Variants in INTU observed in about 807,000 individuals in gnomAD.
INTU encodes protein inturned.
INTU carries 68 observed loss-of-function variants against 100.5 expected under a neutral mutation model. That is an observed-to-expected ratio of 0.68 (90% CI 0.56 to 0.83). The LOEUF is 0.83. INTU is among the 40% of genes least tolerant of loss of function. The pLI is 0.00. For synonymous variants in INTU, 357 were observed against 395.7 expected (o/e 0.90, Z 1.16); for missense variants, 1,071 against 1,114.7 (o/e 0.96, Z 0.56).
intron 8 of INTU, among the ~76,000 whole-genome samples, chr4:127,694,889 AAT>A (rs2148720156): frequency 6.6e-6 from 1 of 152,318 alleles, no homozygotes; most frequent in African/African-American, 2.4e-5. Context: ...CCAATAATAC[AAT>A]GTCTTGATTA....
chr4:127,655,821 C>G (rs1728178214), intron 2 of INTU, among the ~76,000 whole-genome samples: 1 of 152,240 alleles, frequency 6.6e-6, no homozygotes, highest in East Asian at 1.9e-4. Context: ...CCTCCCCCAG[C>G]CTCGCTGCCG....
rs1491129913 is a variant in INTU, at chr4:127,707,417, A to AG, written c.2271+449dup. On this transcript the variant is annotated intron_variant, in intron 12 of 15. Transcript: ENST00000335251. ...CAAAAAAAAAAAAAAAAAAAAAAAA[A>AG]GAAATATCAAATAATAAGATAAGAA... Among the ~76,000 whole-genome samples, 13 of 150,328 alleles carry AG rather than the reference A, an allele frequency of 8.6e-5. No individual in the cohort carries two copies. In the East Asian group the frequency reaches 2.5e-3, roughly 29 times the overall value.
chr4:127,677,959 A>G (rs1255434521), intron 6 of INTU, among the ~76,000 whole-genome samples: 1 of 152,228 alleles, frequency 6.6e-6, no homozygotes, highest in East Asian at 1.9e-4. Flanking sequence ...AGAATGCAGA[A>G]GCTTCAGGAG....
At chr4:127,688,243 G>A (rs1729923247) in intron 8 of INTU, among the ~76,000 whole-genome samples, 2 of 151,466 alleles carry the variant, frequency 1.3e-5, no homozygotes, top group Non-Finnish European at 2.9e-5. Context: ...TTGACTAACA[G>A]TATTCTCAGT....
intron 8 of INTU, among the ~76,000 whole-genome samples, chr4:127,697,713 A>G (rs892681942): frequency 2.6e-5 from 4 of 152,156 alleles, no homozygotes; most frequent in African/African-American, 2.4e-5. Context: ...TCATCTGTTG[A>G]TGAACACTTA....
rs1296304431 is a variant in INTU, at chr4:127,723,067, T to C, written c.*6631T>C. The C allele has an allele frequency of 6.6e-6, 1 of 152,096 alleles. No individual in the cohort carries two copies. The highest frequency in any genetic ancestry group is 1.5e-5 in the Non-Finnish European group (1 of 68,034). 9.4% of individuals were successfully genotyped at this position (152,096 alleles called of 1,614,324 possible). On this transcript the variant is annotated 3_prime_UTR_variant, in exon 16 of 16. Transcript: ENST00000335251. Reference sequence around the variant, plus strand: ...GACCCAAAGCTCTGGTAGCATTGGCTCAGGAGGGAACCTCCTGATCTACAA... The same window carrying C: ...GACCCAAAGCTCTGGTAGCATTGGCCCAGGAGGGAACCTCCTGATCTACAA...
Position 127,714,079 on chromosome 4 carries a change from T to C in INTU, c.2703T>C (p.Ala901=), listed in dbSNP as rs1731181876. 6.2e-7 allele frequency: 1 copy of C among 1,612,408 alleles called. No homozygotes were observed. The highest frequency in any genetic ancestry group is 1.7e-5 in the Admixed American group (1 of 59,500). Reference sequence around the variant, plus strand: ...AGAAAAAAGCACCACCAGTTATGGCTTACTGGGTAGTAGGGTAAGTGAGAA... The same window carrying C: ...AGAAAAAAGCACCACCAGTTATGGCCTACTGGGTAGTAGGGTAAGTGAGAA... The part of the protein sequence containing the change: ...TDQKKAPPVM[A]YWVVGRLFLH... Residue 901 remains alanine (A), a synonymous_variant, in exon 15 of 16, where the codon GCT becomes GCC. Transcript: ENST00000335251.
chr4:127,656,727 G>T lies in INTU; in HGVS notation c.768+6G>T, dbSNP rs1728246125. The T allele has an allele frequency of 6.5e-7, 1 of 1,546,262 alleles. No individual in the cohort carries two copies. The highest frequency in any genetic ancestry group is 8.9e-7 in the Non-Finnish European group (1 of 1,126,176). Reference sequence around the variant, plus strand: ...GCATTCCTGGACCTATGCAGGTATGGACATTCTTTTTCTATATTTTATGAT... The same window carrying T: ...GCATTCCTGGACCTATGCAGGTATGTACATTCTTTTTCTATATTTTATGAT... On this transcript the variant is annotated splice_donor_region_variant and intron_variant, in intron 3 of 15. Coordinates refer to ENST00000335251, the MANE Select transcript of INTU (RefSeq NM_015693.4).
At chr4:127,685,451 G>A (rs182320390) in intron 7 of INTU, 1 of 455,680 alleles carries the variant, frequency 2.2e-6, no homozygotes, top group Non-Finnish European at 4.4e-6. Context: ...GTATCATGAA[G>A]GAATTTTCTG....
In INTU at chr4:127,648,370, G is replaced by A. The variant is rs375710870; in HGVS notation, c.682+4314G>A. Among the ~76,000 whole-genome samples the A allele has an allele frequency of 6.6e-5, 10 of 152,160 alleles. No individual in the cohort carries two copies. In the East Asian group the frequency reaches 1.7e-3, roughly 26 times the overall value. ...GATATAATATTTATTTCATAGAATG[G>A]GAAAATTTTCTACTAAACATTTAAA... On this transcript the variant is annotated intron_variant, in intron 2 of 15. Coordinates refer to ENST00000335251, the MANE Select transcript of INTU (RefSeq NM_015693.4).
intron 1 of INTU, among the ~76,000 whole-genome samples, chr4:127,633,534 T>G (rs1726936905): frequency 6.6e-6 from 1 of 152,180 alleles, no homozygotes; most frequent in Non-Finnish European, 1.5e-5. Context: ...GATTCTTTGG[T>G]GTGACCTTTG....
chr4:127,726,083 A>G lies in INTU; in HGVS notation c.*9647A>G, dbSNP rs1731412839. On this transcript the variant is annotated 3_prime_UTR_variant, in exon 16 of 16. Transcript: ENST00000335251. Reference sequence around the variant, plus strand: ...CTATATATAGCTAGCATTTTTTAAAATATCAAATACTGTCTCATTATCATA... The same window carrying G: ...CTATATATAGCTAGCATTTTTTAAAGTATCAAATACTGTCTCATTATCATA... The G allele has an allele frequency of 6.6e-6, 1 of 152,192 alleles. No homozygotes were observed. The highest frequency in any genetic ancestry group is 1.5e-5 in the Non-Finnish European group (1 of 68,022). 9.4% of individuals were successfully genotyped at this position (152,192 alleles called of 1,614,324 possible).
rs1553982611 is a variant in INTU at position 127,691,962 on chromosome 4, G to GTATATATATATATATATATATA, written c.1449+4114_1449+4115insATATATATATATATATATATAT. On this transcript the variant is annotated intron_variant, in intron 8 of 15. Coordinates refer to ENST00000335251, the MANE Select transcript of INTU (RefSeq NM_015693.4). Reference sequence around the variant, plus strand: ...GGCGGAGTATAGTGTTCCATGGTATGTATATATATATATATATATGTCACA... The same window carrying GTATATATATATATATATATATA: ...GGCGGAGTATAGTGTTCCATGGTATGTATATATATATATATATATATATATATATATATATATATATGTCACA... Among the ~76,000 whole-genome samples the GTATATATATATATATATATATA allele has an allele frequency of 1.2e-3, 116 of 98,198 alleles. 4 individuals carry two copies. Among genetic ancestry groups the GTATATATATATATATATATATA allele is most frequent in the East Asian group, 5.4e-3 (21 of 3,866 alleles). The allele number at this position is 98,198 out of a possible 152,430, so 64.4% of individuals were successfully genotyped here.
chr4:127,647,797 C>G (rs950626182), intron 2 of INTU, among the ~76,000 whole-genome samples: 4 of 151,950 alleles, frequency 2.6e-5, no homozygotes, highest in Non-Finnish European at 4.4e-5. Context: ...TGTTATATAT[C>G]CTCCCTTTTC....
At chr4:127,638,780 C>A (rs1727184344) in intron 1 of INTU, among the ~76,000 whole-genome samples, 1 of 152,094 alleles carries the variant, frequency 6.6e-6, no homozygotes, top group African/African-American at 2.4e-5. Context: ...TATAAACATA[C>A]ACTTATTCTG....
chr4:127,641,329 C>A (rs1342694790), intron 1 of INTU, among the ~76,000 whole-genome samples: 1 of 152,148 alleles, frequency 6.6e-6, no homozygotes, highest in Non-Finnish European at 1.5e-5. Context: ...AAAAGCCTGG[C>A]AAAACTAGGG....
chr4:127,637,521 A>G (rs764171865), intron 1 of INTU, among the ~76,000 whole-genome samples: 3 of 151,914 alleles, frequency 2.0e-5, no homozygotes, highest in African/African-American at 4.8e-5. Flanking sequence ...CTTTCTTCCT[A>G]TCTCTACTTG....
intron 5 of INTU, among the ~76,000 whole-genome samples, chr4:127,672,688 T>C (rs1332248820): frequency 6.6e-6 from 1 of 152,080 alleles, no homozygotes; most frequent in Non-Finnish European, 1.5e-5. Flanking sequence ...TTTTAAACTA[T>C]AGTAATATTA....
At position 127,711,010 on chromosome 4, in the gene INTU, C is replaced by T; in HGVS notation, c.2467C>T (p.Leu823=). The T allele has an allele frequency of 6.2e-7, 1 of 1,609,372 alleles. No homozygotes were observed. Among genetic ancestry groups the T allele is most frequent in the Non-Finnish European group, 8.5e-7 (1 of 1,176,838 alleles). Reference sequence around the variant, plus strand: ...TCCTACCCTTGAAGAGGTGGCACAGCTAAGTGGCTCTATCCACCCTCAGCT... The same window carrying T: ...TCCTACCCTTGAAGAGGTGGCACAGTTAAGTGGCTCTATCCACCCTCAGCT... ...ITPTLEEVAQ[L]SGSIHPQLIK... The change falls in exon 14 of 16, where the codon CTA becomes TTA. Residue 823 remains leucine (L), a synonymous_variant. Coordinates refer to ENST00000335251, the MANE Select transcript of INTU (RefSeq NM_015693.4).
Sources: allele counts gnomAD v4.1 joint callset (sites outside exome capture counted in the v4.1 genomes callset), GRCh38; gene constraint gnomAD v4.1.1; transcripts MANE v1.5; gene names NCBI Gene and HGNC (gene_info 2026-07-23, HGNC 2026-07-21).